Variants in GLA observed in about 807,000 individuals in gnomAD.
GLA encodes the protein galactosidase alpha.
A neutral mutation model predicts 28.2 loss-of-function variants in GLA; 4 were observed. That is an observed-to-expected ratio of 0.14 (90% CI 0.07 to 0.32). GLA has a LOEUF of 0.32. Among genes scored for constraint, GLA ranks in the 10% least tolerant of loss-of-function variants. The pLI, the probability that GLA is intolerant of heterozygous loss-of-function variation, is 1.00. For missense variants in GLA, 203 were observed against 323.7 expected, an observed-to-expected ratio of 0.63 and a Z score of 2.86; for synonymous variants, 94 against 113.0, an observed-to-expected ratio of 0.83 and a Z score of 1.07.
rs1334059929 is a variant in GLA, at chrX:101,404,111, G to A, written c.195-126C>T. The stretch of plus-strand genomic sequence containing the variant: ...AGTAATAGTGTGGTAGTAATCACAA[G>A]CAATGTAAGGTAAAATGAATTGTTT... On this transcript the variant is annotated intron_variant, in intron 1 of 6. Transcript: ENST00000218516. 5 of 572,189 alleles carry A rather than the reference G, an allele frequency of 8.7e-6. No homozygotes were observed. In the East Asian group the frequency reaches 1.3e-4, roughly 15 times the overall value. The allele number at this position is 572,189 out of a possible 1,213,427, so 47.2% of individuals were successfully genotyped here. A position where few individuals can be genotyped will look rare whatever the true frequency, so the allele number is the denominator to read the frequency against.
At chrX:101,405,169 G>A (rs1359015259) in intron 1 of GLA, among the ~76,000 whole-genome samples, 1 of 104,044 alleles carries the variant, frequency 9.6e-6, no homozygotes. Flanking sequence ...CTGGGAGGCG[G>A]AGGTTGCGGT....
At chrX:101,406,620 TTTC>T (rs1234572440) in intron 1 of GLA, among the ~76,000 whole-genome samples, 2 of 111,951 alleles carry the variant, frequency 1.8e-5, no homozygotes, top group Non-Finnish European at 3.8e-5. Context: ...ACAAGGCCAA[TTTC>T]TTCTGTGATG....
intron 1 of GLA, among the ~76,000 whole-genome samples, chrX:101,406,608 T>G (rs997426931): frequency 2.7e-5 from 3 of 111,951 alleles, no homozygotes; most frequent in Non-Finnish European, 3.8e-5. Context: ...CACATGAAAC[T>G]TACAAGGCCA....
intron 6 of GLA, 72 bp from the exon 7 acceptor site, chrX:101,398,171 T>G: frequency 1.0e-6 from 1 of 970,552 alleles, no homozygotes; most frequent in South Asian, 2.0e-5. Flanking sequence ...CATTCATTCT[T>G]AATGTCAGAA....
At chrX:101,404,566 C>CTTTTTTTTTTTTTTTTTTTTTTTTTTTTT (rs1171364737) in intron 1 of GLA, among the ~76,000 whole-genome samples, 1 of 79,215 alleles carries the variant, frequency 1.3e-5, no homozygotes, top group Admixed American at 1.5e-4. Flanking sequence ...TCCTTTTTAT[C>CTTTTTTTTTTTTTTTTTTTTTTTTTTTTT]TTTTTTTTTT....
At position 101,407,867 on chromosome X, in the gene GLA, C is replaced by T. The variant is rs2147487725; in HGVS notation, c.37G>A (p.Ala13Thr). 8.3e-7 allele frequency: 1 copy of T among 1,211,758 alleles called. No individual in the cohort carries two copies. The highest frequency in any genetic ancestry group is 1.1e-6 in the Non-Finnish European group (1 of 895,289). ...LRNPELHLGC[A>T]LALRFLALVS... ...AGGGCCAGGAAGCGAAGCGCAAGCG[C>T]GCAGCCCAGATGTAGTTCTGGGTTC... The change falls in exon 1 of 7, where the codon GCG becomes ACG. Residue 13 changes from alanine to threonine, a missense_variant. Ala to Thr is a moderately conservative substitution (Grantham distance 58, BLOSUM62 0). Coordinates refer to ENST00000218516, the MANE Select transcript of GLA (RefSeq NM_000169.3).
chrX:101,407,841 G>A lies in GLA; in HGVS notation c.63C>T (p.Leu21=), dbSNP rs869312361. Residue 21 remains leucine (L), a synonymous_variant, in exon 1 of 7, where the codon CTC becomes CTT. Transcript: ENST00000218516. ...TAGCCCCAGGGATGTCCCAGGAAAC[G>A]AGGGCCAGGAAGCGAAGCGCAAGCG... ...GCALALRFLA[L]VSWDIPGARA... is the part of the protein sequence containing the mutation. The A allele has an allele frequency of 8.3e-7, 1 of 1,211,445 alleles. No homozygotes were observed. The highest frequency in any genetic ancestry group is 2.3e-4 in the Middle Eastern group (1 of 4,342).
chrX:101,401,571 T>C (rs1482037636), intron 3 of GLA, 61 bp downstream of exon 3: 3 of 971,403 alleles, frequency 3.1e-6, no homozygotes, highest in Admixed American at 4.4e-5. Context: ...GTTCTTTGGC[T>C]CAGCTACCAT....
At chrX:101,400,134 G>A (rs971569450) in intron 4 of GLA, among the ~76,000 whole-genome samples, 1 of 111,215 alleles carries the variant, frequency 9.0e-6, no homozygotes, top group South Asian at 3.8e-4. Flanking sequence ...AATTGGAAGC[G>A]AGTTAAGGGT....
chrX:101,407,423 A>G (rs1376111937), intron 1 of GLA, among the ~76,000 whole-genome samples: 2 of 110,967 alleles, frequency 1.8e-5, no homozygotes, highest in Non-Finnish European at 3.8e-5. Flanking sequence ...AGAGAGAGAA[A>G]GAGAGAGGAA....
rs142449183 is a variant in GLA at position 101,407,819 on chromosome X, C to A, written c.85G>T (p.Ala29Ser). ...LALVSWDIPG[A>S]RALDNGLART... The stretch of plus-strand genomic sequence containing the variant: ...GCCAATCCATTGTCCAGTGCTCTAG[C>A]CCCAGGGATGTCCCAGGAAACGAGG... The change falls in exon 1 of 7, where the codon GCT becomes TCT. Residue 29 changes from alanine (A) to serine (S), a missense_variant. Physicochemically the swap from Ala to Ser is moderately conservative, Grantham distance 99. Transcript: ENST00000218516. 4 of 1,210,645 alleles carry A rather than the reference C, an allele frequency of 3.3e-6. No homozygotes were observed. Among genetic ancestry groups the A allele is most frequent in the Non-Finnish European group, 3.4e-6 (3 of 894,238 alleles).
At chrX:101,401,337 C>G in intron 3 of GLA, 1 of 343,515 alleles carries the variant, frequency 2.9e-6, no homozygotes, top group Non-Finnish European at 5.2e-6. Context: ...CGATTGACAA[C>G]CTGGACTCCC....
At chrX:101,406,230 A>G (rs1384565959) in intron 1 of GLA, among the ~76,000 whole-genome samples, 2 of 106,104 alleles carry the variant, frequency 1.9e-5, no homozygotes, top group African/African-American at 7.0e-5. Context: ...AAAAAAAAAA[A>G]AAGTGTAATT....
chrX:101,405,853 G>A (rs190358616), intron 1 of GLA, among the ~76,000 whole-genome samples: 1 of 107,991 alleles, frequency 9.3e-6, no homozygotes, highest in Non-Finnish European at 1.9e-5. Context: ...GGGAGGTGGA[G>A]TTTGCACTGA....
chrX:101,401,195 G>A (rs1449019604), intron 3 of GLA: 1 of 205,084 alleles, frequency 4.9e-6, no homozygotes, highest in Non-Finnish European at 9.0e-6. Flanking sequence ...TAGCAGCAGG[G>A]ACAGGCAGTT....
chrX:101,401,230 T>A (rs2147476805), intron 3 of GLA: 1 of 231,743 alleles, frequency 4.3e-6, no homozygotes, highest in Non-Finnish European at 7.8e-6. Context: ...TTGTGTAAAG[T>A]ACCTCCCAGA....
In GLA at chrX:101,401,635, C is replaced by T. The variant is rs1555985794; in HGVS notation, c.544G>A (p.Asp182Asn). The T allele has an allele frequency of 2.2e-5, 26 of 1,208,611 alleles. No homozygotes were observed. Among genetic ancestry groups the T allele is most frequent in the Non-Finnish European group, 2.8e-5 (25 of 892,615 alleles). Residue 182 changes from aspartate (D) to asparagine (N), a missense_variant, in exon 3 of 7, where the codon GAT (aspartate) becomes AAT (asparagine). Asp to Asn is a conservative substitution (Grantham distance 23). Coordinates refer to ENST00000218516, the MANE Select transcript of GLA (RefSeq NM_000169.3). ...CYCDSLENLA[D>N]GYKHMSLALN... The stretch of plus-strand genomic sequence containing the variant: ...AATCTCTGGAATGAAACATTACCAT[C>T]TGCCAAATTTTCCAAACTGTCACAG...
rs1928402060 is a variant in GLA at position 101,403,832 on chromosome X, C to A, written c.348G>T (p.Gly116=). The part of the protein sequence containing the change: ...LQADPQRFPH[G]IRQLANYVHS... ...TCACATAATTAGCTAGCTGGCGAAT[C>A]CCATGAGGAAAGCGCTGAGGGTCTG... The change falls in exon 2 of 7, where the codon GGG becomes GGT. Residue 116 remains glycine, a synonymous_variant. Coordinates refer to ENST00000218516, the MANE Select transcript of GLA (RefSeq NM_000169.3). 1 of 1,209,869 alleles carries A rather than the reference C, an allele frequency of 8.3e-7. No individual in the cohort carries two copies. The highest frequency in any genetic ancestry group is 1.7e-5 in the African/African-American group (1 of 57,399).
rs535069957 is a variant in GLA, at chrX:101,404,730, C to T, written c.195-745G>A. Among the ~76,000 whole-genome samples, 230 of 108,972 alleles carry T rather than the reference C, an allele frequency of 2.1e-3. 2 individuals carry two copies. The highest frequency in any genetic ancestry group is 9.5e-3 in the Middle Eastern group (2 of 211). 94.6% of individuals were successfully genotyped at this position (108,972 alleles called of 115,157 possible). Reference sequence around the variant, plus strand: ...GATTACAGGCATGTGCCATCGCATCCGGCTAATTTTTGTATCTTTAGTAGA... The same window carrying T: ...GATTACAGGCATGTGCCATCGCATCTGGCTAATTTTTGTATCTTTAGTAGA... On this transcript the variant is annotated intron_variant, in intron 1 of 6. Transcript: ENST00000218516.
Sources: allele counts gnomAD v4.1 joint callset (sites outside exome capture counted in the v4.1 genomes callset), GRCh38; gene constraint gnomAD v4.1.1; transcripts MANE v1.5; gene names NCBI Gene and HGNC (gene_info 2026-07-23, HGNC 2026-07-21).